Variants in SPC25 observed in about 807,000 individuals in gnomAD.
The protein encoded by SPC25 is kinetochore protein Spc25.
Under a neutral mutation model 29.6 loss-of-function variants are expected in SPC25, and 22 were observed. The observed-to-expected ratio is 0.74, with a 90% CI of 0.53 to 1.06. SPC25 has a LOEUF of 1.06. SPC25 is among the 50% of genes least tolerant of loss of function. The pLI, the probability that SPC25 is intolerant of heterozygous loss-of-function variation, is 0.00. For missense variants in SPC25, 230 were observed against 255.8 expected (o/e 0.90, Z 0.69); for synonymous variants, 91 against 90.4 (o/e 1.01, Z -0.04).
chr2:168,862,926 AC>A (rs1689559136), intron 4 of SPC25, among the ~76,000 whole-genome samples: 1 of 152,198 alleles, frequency 6.6e-6, no homozygotes, highest in Non-Finnish European at 1.5e-5. Flanking sequence ...TTGTAGCCAA[AC>A]GACAGGGACA....
downstream of SPC25, among the ~76,000 whole-genome samples, chr2:168,869,733 C>T (rs1689943339): frequency 6.6e-6 from 1 of 152,196 alleles, no homozygotes; most frequent in Non-Finnish European, 1.5e-5. Flanking sequence ...AAGAACATTC[C>T]ATGCTCCTGG....
downstream of SPC25, among the ~76,000 whole-genome samples, chr2:168,869,309 C>A (rs1018228413): frequency 9.2e-5 from 14 of 152,144 alleles, no homozygotes; most frequent in Admixed American, 6.5e-5. Context: ...GACAGGGATG[C>A]CCTCTCCTAC....
rs1442748525 is a variant in SPC25 at position 168,864,160 on chromosome 2, G to A, written n.419+9425C>T. ...TTTTTGTATTTTTAGTAGAGACGGG[G>A]TTTCACCATGTTGGCCAGGCTGGTC... On this transcript the variant is annotated intron_variant and non_coding_transcript_variant, in intron 4 of 4. Coordinates refer to the SPC25 transcript ENST00000479309. Among the ~76,000 whole-genome samples the A allele has an allele frequency of 2.0e-5, 3 of 152,178 alleles. No individual in the cohort carries two copies. The South Asian group carries it at 6.2e-4, about 32-fold the overall frequency.
chr2:168,864,039 C>G (rs958990608), intron 4 of SPC25, among the ~76,000 whole-genome samples: 3 of 151,330 alleles, frequency 2.0e-5, no homozygotes, highest in African/African-American at 7.3e-5. Flanking sequence ...GTCTCCCAAG[C>G]TCACTGCAAC....
chr2:168,887,421 C>CAAAAAAAAAAAAAAAAAAAAA (rs5836211), intron 3 of SPC25, among the ~76,000 whole-genome samples: 11 of 131,386 alleles, frequency 8.4e-5, no homozygotes, highest in African/African-American at 2.9e-4. Context: ...GACTCCATCT[C>CAAAAAAAAAAAAAAAAAAAAA]AAAAAAAAAA....
At chr2:168,887,846 T>C (rs1315495609) in intron 3 of SPC25, among the ~76,000 whole-genome samples, 1 of 152,198 alleles carries the variant, frequency 6.6e-6, no homozygotes, top group Admixed American at 6.5e-5. Context: ...GGCTGTGATT[T>C]CCAACGTGAA....
chr2:168,874,746 T>A (rs1397260951), intron 5 of SPC25, among the ~76,000 whole-genome samples: 3 of 152,098 alleles, frequency 2.0e-5, no homozygotes, highest in Admixed American at 2.0e-4. Context: ...AGCTTCCTGG[T>A]AGACAACACT....
At chr2:168,890,202 A>G (rs990771841) in intron 1 of SPC25, 116 bp downstream of exon 1, 26 of 487,280 alleles carry the variant, frequency 5.3e-5, no homozygotes, top group Non-Finnish European at 6.4e-5. Flanking sequence ...CCAAACAGCA[A>G]CAAGATGCGC....
intron 3 of SPC25, among the ~76,000 whole-genome samples, chr2:168,881,261 C>A: frequency 6.6e-6 from 1 of 152,170 alleles, no homozygotes; most frequent in East Asian, 1.9e-4. Context: ...TGTACAAGTT[C>A]TTCTTGCCCT....
intron 3 of SPC25, among the ~76,000 whole-genome samples, chr2:168,885,892 A>C (rs749179053): frequency 2.0e-5 from 3 of 152,216 alleles, no homozygotes; most frequent in Non-Finnish European, 4.4e-5. Context: ...AGGATTCATG[A>C]GTCAATATAT....
At chr2:168,878,260 C>G (rs2105827815) in intron 3 of SPC25, among the ~76,000 whole-genome samples, 1 of 152,254 alleles carries the variant, frequency 6.6e-6, no homozygotes, top group African/African-American at 2.4e-5. Flanking sequence ...TATTAAGTTA[C>G]ATTAAAAATA....
chr2:168,866,737 G>A (rs1275791561), downstream of SPC25, among the ~76,000 whole-genome samples: 1 of 151,738 alleles, frequency 6.6e-6, no homozygotes, highest in Non-Finnish European at 1.5e-5. Context: ...TCTGACAAAG[G>A]GCTAATATCC....
chr2:168,889,338 A>G (rs1222892489), intron 2 of SPC25, 47 bp from the exon 3 acceptor site: 1 of 1,613,514 alleles, frequency 6.2e-7, no homozygotes, highest in East Asian at 2.2e-5. Context: ...AACACTAAAA[A>G]ATAAACTAGA....
chr2:168,882,061 A>C (rs562356061), intron 3 of SPC25, among the ~76,000 whole-genome samples: 1 of 152,256 alleles, frequency 6.6e-6, no homozygotes, highest in Non-Finnish European at 1.5e-5. Flanking sequence ...TCTGAGACAC[A>C]TATTTGATCT....
At chr2:168,870,797 G>A (rs1480843056), downstream of SPC25, 1 of 151,544 alleles carries the variant, frequency 6.6e-6, no homozygotes, top group Non-Finnish European at 1.5e-5. Context: ...AAGTTGGTGT[G>A]GCGATTCCTC....
chr2:168,873,634 C>T lies in SPC25; in HGVS notation c.501G>A (p.Glu167=), dbSNP rs199993355. ...IFTNIDPKNP[E]SPFMFSLHLN... is the part of the protein sequence containing the mutation. ...GATGTAAGGAAAACATAAATGGGCT[C>T]TCAGGATTCTTAGGGTCAATATTAG... Residue 167 remains glutamate, a synonymous_variant, in exon 6 of 7, where the codon GAG becomes GAA. Transcript: ENST00000282074. The T allele has an allele frequency of 1.9e-6, 3 of 1,611,800 alleles. No homozygotes were observed. Among genetic ancestry groups the T allele is most frequent in the East Asian group, 4.5e-5 (2 of 44,694 alleles).
intron 3 of SPC25, among the ~76,000 whole-genome samples, chr2:168,880,139 T>A (rs1243220436): frequency 6.6e-6 from 1 of 151,988 alleles, no homozygotes; most frequent in Non-Finnish European, 1.5e-5. Flanking sequence ...CACTAAAGAG[T>A]CAGCCTGTCT....
At chr2:168,879,676 C>A (rs1428382694) in intron 3 of SPC25, among the ~76,000 whole-genome samples, 2 of 152,206 alleles carry the variant, frequency 1.3e-5, no homozygotes, top group African/African-American at 2.4e-5. Context: ...TCTATGGCAT[C>A]TAGAATGGTG....
intron 5 of SPC25, among the ~76,000 whole-genome samples, chr2:168,874,139 T>C (rs1169327729): frequency 6.6e-6 from 1 of 152,152 alleles, no homozygotes; most frequent in East Asian, 1.9e-4. Flanking sequence ...ATGCTCAACA[T>C]CATTAGTCAT....
Sources: gnomAD v4.1 joint callset for allele counts (sites outside exome capture counted in the v4.1 genomes callset) on GRCh38, gnomAD v4.1.1 for gene constraint, MANE v1.5 for transcripts, NCBI Gene and HGNC (gene_info 2026-07-23, HGNC 2026-07-21) for gene names.